The following TATDN1 variants were observed in gnomAD, a reference collection of about 807,000 sequenced individuals.
The protein encoded by TATDN1 is TatD DNase domain containing 1.
Under a neutral mutation model 46.4 loss-of-function variants are expected in TATDN1, and 40 were observed. That is an observed-to-expected ratio of 0.86 (90% CI 0.67 to 1.12). The LOEUF is 1.12. Ranked by LOEUF, TATDN1 falls within the 50% of genes most tolerant of loss-of-function variation. The pLI, the probability that TATDN1 is intolerant of heterozygous loss-of-function variation, is 0.00. For missense variants in TATDN1, 326 were observed against 348.4 expected, an observed-to-expected ratio of 0.94 and a Z score of 0.51; for synonymous variants, 95 against 105.6, an observed-to-expected ratio of 0.90 and a Z score of 0.62.
chr8:124,521,861 TAAAA>T (rs1178116640), intron 3 of TATDN1: 1 of 243,456 alleles, frequency 4.1e-6, no homozygotes, highest in Non-Finnish European at 7.7e-6. Context: ...TAAAATTGAT[TAAAA>T]GTTGCCTCTT....
chr8:124,504,601 C>T (rs1252522440), intron 8 of TATDN1: 1 of 293,780 alleles, frequency 3.4e-6, no homozygotes, highest in Non-Finnish European at 6.2e-6. Context: ...GTGTTGCTGT[C>T]TCTGCACTAG....
intron 3 of TATDN1, among the ~76,000 whole-genome samples, chr8:124,520,543 C>G (rs1002417574): frequency 5.9e-5 from 9 of 151,936 alleles, no homozygotes; most frequent in Non-Finnish European, 1.2e-4. Context: ...ATTTAAATTA[C>G]GTAAAATACT....
At chr8:124,509,096 G>C (rs1818786952) in intron 6 of TATDN1, among the ~76,000 whole-genome samples, 1 of 152,056 alleles carries the variant, frequency 6.6e-6, no homozygotes, top group African/African-American at 2.4e-5. Context: ...AAATGAACAA[G>C]GTTTCCCTCA....
chr8:124,503,945 C>T, intron 9 of TATDN1: 1 of 1,307,024 alleles, frequency 7.7e-7, no homozygotes, highest in Non-Finnish European at 1.0e-6. Context: ...TATATGTATA[C>T]ATAATGCTGT....
At chr8:124,513,885 A>G (rs1269014691) in intron 6 of TATDN1, among the ~76,000 whole-genome samples, 1 of 152,204 alleles carries the variant, frequency 6.6e-6, no homozygotes, top group Non-Finnish European at 1.5e-5. Context: ...ATTAAAGAGA[A>G]CTGTTTTTCT....
intron 9 of TATDN1, among the ~76,000 whole-genome samples, chr8:124,499,459 TAC>T (rs1383057878): frequency 2.0e-5 from 3 of 152,240 alleles, no homozygotes; most frequent in Admixed American, 6.5e-5. Context: ...ACATTTTAAA[TAC>T]AAGCCAGTAT....
intron 1 of TATDN1, among the ~76,000 whole-genome samples, chr8:124,534,800 G>A (rs767461001): frequency 6.6e-6 from 1 of 152,166 alleles, no homozygotes; most frequent in Non-Finnish European, 1.5e-5. Flanking sequence ...AGGTTCCCAG[G>A]TTACCCACAA....
In TATDN1 at chr8:124,508,499, T is replaced by C. The variant is rs761291913; in HGVS notation, c.491A>G (p.Asn164Ser). ...HAEFLDIMKR[N>S]RDRCVGGVVH... ...CACTCCCCCTACACACCGATCTCTA[T>C]TTCTTTTCATTATGTCTGTGAATTA... Residue 164 changes from asparagine to serine, a missense_variant, in exon 8 of 12, where the codon AAT (asparagine) becomes AGT (serine). Coordinates refer to ENST00000276692, the MANE Select transcript of TATDN1 (RefSeq NM_032026.4). The C allele has an allele frequency of 2.5e-6, 4 of 1,613,228 alleles. No homozygotes were observed. The Admixed American group carries it at 6.7e-5, about 27-fold the overall frequency.
chr8:124,532,630 T>G (rs1171785558), intron 1 of TATDN1, among the ~76,000 whole-genome samples: 1 of 152,196 alleles, frequency 6.6e-6, no homozygotes, highest in Non-Finnish European at 1.5e-5. Flanking sequence ...AAAAATCCTC[T>G]TTGTTTCTAG....
chr8:124,492,010 T>G (rs1586546772), intron 11 of TATDN1, among the ~76,000 whole-genome samples: 1 of 152,088 alleles, frequency 6.6e-6, no homozygotes, highest in African/African-American at 2.4e-5. Context: ...TTTTCACTTT[T>G]GTCTTCCAGG....
At chr8:124,525,636 T>G (rs1019899163) in intron 1 of TATDN1, among the ~76,000 whole-genome samples, 10 of 152,218 alleles carry the variant, frequency 6.6e-5, no homozygotes, top group Admixed American at 2.0e-4. Context: ...ATTAAAAGTC[T>G]TATTAGCATG....
intron 9 of TATDN1, among the ~76,000 whole-genome samples, chr8:124,497,096 C>T (rs1426216499): frequency 1.3e-5 from 2 of 152,182 alleles, no homozygotes; most frequent in African/African-American, 4.8e-5. Flanking sequence ...GAGGCCCACA[C>T]ATTGCAATTG....
intron 9 of TATDN1, among the ~76,000 whole-genome samples, chr8:124,500,696 A>G (rs1432375656): frequency 6.6e-6 from 1 of 151,784 alleles, no homozygotes; most frequent in African/African-American, 2.4e-5. Context: ...AAAAAAAACA[A>G]CAACTAAGAA....
chr8:124,490,710 G>A (rs1289510440), intron 11 of TATDN1, among the ~76,000 whole-genome samples: 1 of 151,426 alleles, frequency 6.6e-6, no homozygotes, highest in Non-Finnish European at 1.5e-5. Flanking sequence ...AGAATTTAGT[G>A]GCTTTTGTTT....
At chr8:124,525,239 G>A (rs749067154) in intron 1 of TATDN1, among the ~76,000 whole-genome samples, 5 of 151,946 alleles carry the variant, frequency 3.3e-5, no homozygotes, top group Admixed American at 6.6e-5. Context: ...TCCACCTCCC[G>A]GGTTCAAGCA....
intron 8 of TATDN1, 158 bp from the exon 9 acceptor site, chr8:124,504,505 T>C: frequency 2.3e-6 from 1 of 431,774 alleles, no homozygotes; most frequent in Non-Finnish European, 4.1e-6. Flanking sequence ...ATTTTCATAT[T>C]ATTTTTCACA....
intron 1 of TATDN1, among the ~76,000 whole-genome samples, chr8:124,535,704 A>G (rs1821374832): frequency 6.6e-6 from 1 of 152,250 alleles, no homozygotes; most frequent in South Asian, 2.1e-4. Context: ...CTGCTTTTGC[A>G]TTGCTATAAA....
At position 124,532,082 on chromosome 8, in the gene TATDN1, G is replaced by T. The variant is rs76300301; in HGVS notation, c.22+6943C>A. 5.5e-3 allele frequency among the ~76,000 whole-genome samples: 843 copies of T among 152,042 alleles called. 10 individuals carry two copies. The highest frequency in any genetic ancestry group is 0.019 in the African/African-American group (800 of 41,440). On this transcript the variant is annotated intron_variant, in intron 1 of 11. Transcript: ENST00000276692. ...GGAGCAAGGAAGAAGGAAGAGCAAG[G>T]GGGGGAGGAGGAGGAGGAGGAGGAG...
chr8:124,505,782 A>G (rs915176092), intron 8 of TATDN1, among the ~76,000 whole-genome samples: 1 of 152,046 alleles, frequency 6.6e-6, no homozygotes, highest in Non-Finnish European at 1.5e-5. Flanking sequence ...ACTATGGATA[A>G]CATATTTCTC....
Sources: gnomAD v4.1 joint callset for allele counts (sites outside exome capture counted in the v4.1 genomes callset) on GRCh38, gnomAD v4.1.1 for gene constraint, MANE v1.5 for transcripts, NCBI Gene and HGNC (gene_info 2026-07-23, HGNC 2026-07-21) for gene names.